Variants in PARD3 observed in about 807,000 individuals in gnomAD.
The protein encoded by PARD3 is partitioning defective 3 homolog.
PARD3 carries 75 observed loss-of-function variants against 155.4 expected under a neutral mutation model. The observed-to-expected ratio is 0.48, with a 90% CI of 0.40 to 0.58. PARD3 has a LOEUF of 0.58. Ranked by LOEUF, PARD3 falls within the 20% of genes least tolerant of loss-of-function variation. The pLI, the probability that PARD3 is intolerant of heterozygous loss-of-function variation, is 0.00. For missense variants in PARD3, 1,642 were observed against 1,721.7 expected, an observed-to-expected ratio of 0.95 and a Z score of 0.82; for synonymous variants, 576 against 610.5, an observed-to-expected ratio of 0.94 and a Z score of 0.83.
At chr10:34,584,682 C>A (rs779159073) in intron 2 of PARD3, among the ~76,000 whole-genome samples, 1 of 152,012 alleles carries the variant, frequency 6.6e-6, no homozygotes, top group Non-Finnish European at 1.5e-5. Context: ...AGAGACAAAC[C>A]TTTTTTTGAA....
At chr10:34,261,777 AAAGAAAAG>A (rs1283241144) in intron 22 of PARD3, among the ~76,000 whole-genome samples, 1 of 64,100 alleles carries the variant, frequency 1.6e-5, no homozygotes, top group South Asian at 7.2e-4. Context: ...AGGAAGAAAG[AAAGAAAAG>A]AAAGAAAGAA....
At chr10:34,518,672 C>T (rs956867788) in intron 2 of PARD3, among the ~76,000 whole-genome samples, 5 of 152,048 alleles carry the variant, frequency 3.3e-5, no homozygotes, top group Non-Finnish European at 5.9e-5. Flanking sequence ...ACAGCTGTTC[C>T]CTGCTGTAGC....
At chr10:34,153,860 A>G (rs1396982467) in intron 22 of PARD3, among the ~76,000 whole-genome samples, 2 of 152,236 alleles carry the variant, frequency 1.3e-5, no homozygotes, top group Non-Finnish European at 2.9e-5. Flanking sequence ...ATCTTCTTTA[A>G]AAGGGCATAG....
intron 12 of PARD3, among the ~76,000 whole-genome samples, chr10:34,366,167 A>G (rs1006969418): frequency 7.9e-5 from 12 of 152,150 alleles, no homozygotes; most frequent in African/African-American, 2.7e-4. Context: ...ACAACTTACA[A>G]TGTTTCGACT....
At chr10:34,768,395 ACAACTCGAAGCAAAGGCG>A (rs1408708640) in intron 1 of PARD3, among the ~76,000 whole-genome samples, 14 of 151,608 alleles carry the variant, frequency 9.2e-5, no homozygotes, top group African/African-American at 3.4e-4. Context: ...CAAAGGCGGG[ACAACTCGAAGCAAAGGCG>A]GGACAACTGG....
chr10:34,344,059 T>C (rs1837117463), intron 15 of PARD3: 6 of 945,834 alleles, frequency 6.3e-6, no homozygotes, highest in South Asian at 4.9e-5. Context: ...ACCACATATA[T>C]ATGAATATAC....
At chr10:34,544,123 A>C (rs377644291) in intron 2 of PARD3, among the ~76,000 whole-genome samples, 18 of 152,306 alleles carry the variant, frequency 1.2e-4, no homozygotes, top group African/African-American at 4.3e-4. Flanking sequence ...ATAAATTTAA[A>C]AGGATCCTAG....
At chr10:34,385,211 G>C (rs1250971516) in intron 7 of PARD3, among the ~76,000 whole-genome samples, 19 of 152,052 alleles carry the variant, frequency 1.2e-4, no homozygotes, top group Admixed American at 1.2e-3. Context: ...TTGGTTCATT[G>C]CAACCTCCAC....
At chr10:34,646,414 T>C (rs1159003316) in intron 2 of PARD3, among the ~76,000 whole-genome samples, 1 of 152,206 alleles carries the variant, frequency 6.6e-6, no homozygotes, top group African/African-American at 2.4e-5. Flanking sequence ...CCAGGGTGTT[T>C]TTCTGCATTA....
chr10:34,193,984 G>A (rs1234897778), intron 22 of PARD3, among the ~76,000 whole-genome samples: 2 of 152,092 alleles, frequency 1.3e-5, no homozygotes, highest in African/African-American at 4.8e-5. Context: ...AGCTGCTTCT[G>A]CAAGGACTGC....
intron 3 of PARD3, among the ~76,000 whole-genome samples, chr10:34,502,572 C>T (rs1230256180): frequency 1.3e-5 from 2 of 151,954 alleles, no homozygotes; most frequent in African/African-American, 2.4e-5. Context: ...GTGTGTGTAG[C>T]GATATATAGA....
At chr10:34,178,880 G>C (rs1300951697) in intron 22 of PARD3, among the ~76,000 whole-genome samples, 5 of 152,162 alleles carry the variant, frequency 3.3e-5, no homozygotes, top group Admixed American at 3.3e-4. Context: ...ATGGAATTGA[G>C]GTTCCAAGAA....
intron 4 of PARD3, among the ~76,000 whole-genome samples, chr10:34,463,444 A>G (rs2132987836): frequency 6.6e-6 from 1 of 152,206 alleles, no homozygotes; most frequent in East Asian, 1.9e-4. Context: ...GAACACACAG[A>G]AACAGTAGAC....
intron 2 of PARD3, among the ~76,000 whole-genome samples, chr10:34,676,205 G>A (rs892920529): frequency 6.6e-6 from 1 of 152,028 alleles, no homozygotes. Context: ...CCAAAGAAGC[G>A]CACACAAAAC....
At chr10:34,292,746 C>G (rs11009716) in intron 20 of PARD3, among the ~76,000 whole-genome samples, 21,604 of 151,454 alleles carry the variant, frequency 0.14, 1,844 homozygotes, top group African/African-American at 0.24. Flanking sequence ...AGAAAAAGCA[C>G]CTTCTACTTA....
intron 1 of PARD3, among the ~76,000 whole-genome samples, chr10:34,804,764 A>G (rs1475863364): frequency 1.3e-5 from 2 of 152,244 alleles, no homozygotes; most frequent in Non-Finnish European, 2.9e-5. Context: ...AAACACAGAC[A>G]TAAAAACTTT....
intron 22 of PARD3, among the ~76,000 whole-genome samples, chr10:34,190,080 G>C (rs569111285): frequency 1.3e-5 from 2 of 152,300 alleles, no homozygotes; most frequent in Admixed American, 6.5e-5. Flanking sequence ...ATGGGCAAAA[G>C]GGCTATTGGA....
chr10:34,206,224 G>A (rs1484989094), intron 22 of PARD3, among the ~76,000 whole-genome samples: 1 of 152,210 alleles, frequency 6.6e-6, no homozygotes, highest in African/African-American at 2.4e-5. Flanking sequence ...GGCAGTCAGT[G>A]GCACAGGCTG....
intron 22 of PARD3, among the ~76,000 whole-genome samples, chr10:34,236,572 T>C (rs939307322): frequency 6.6e-6 from 1 of 152,192 alleles, no homozygotes; most frequent in Non-Finnish European, 1.5e-5. Context: ...TTGTTTTTCC[T>C]GTTTGGTATT....
Sources: allele counts gnomAD v4.1 joint callset (sites outside exome capture counted in the v4.1 genomes callset), GRCh38; gene constraint gnomAD v4.1.1; transcripts MANE v1.5; gene names NCBI Gene and HGNC (gene_info 2026-07-23, HGNC 2026-07-21).